The following COL4A6 variants were observed in gnomAD, a reference collection of about 807,000 sequenced individuals.
COL4A6 encodes the protein collagen type IV alpha 6 chain, also known as collagen alpha-6(IV) chain.
A neutral mutation model predicts 126.7 loss-of-function variants in COL4A6; 59 were observed. That is an observed-to-expected ratio of 0.47 (90% CI 0.38 to 0.58). COL4A6 has a LOEUF of 0.58. Among genes scored for constraint, COL4A6 ranks in the 20% least tolerant of loss-of-function variants. The pLI is 0.00. For synonymous variants in COL4A6, 547 were observed against 496.6 expected (o/e 1.10, Z -1.35); for missense variants, 1,285 against 1,337.3 (o/e 0.96, Z 0.61).
intron 3 of COL4A6, among the ~76,000 whole-genome samples, chrX:108,289,637 G>A (rs1022351706): frequency 9.0e-6 from 1 of 111,616 alleles, no homozygotes; most frequent in Non-Finnish European, 1.9e-5. Context: ...GCCAGACATA[G>A]ACTTGCAGGC....
At chrX:108,194,123 C>T (rs1045334133) in intron 16 of COL4A6, among the ~76,000 whole-genome samples, 2 of 112,309 alleles carry the variant, frequency 1.8e-5, no homozygotes, top group African/African-American at 6.5e-5. Flanking sequence ...TAATACTCCC[C>T]AAAGAGGGAT....
At chrX:108,321,428 G>A (rs1275370974) in intron 2 of COL4A6, among the ~76,000 whole-genome samples, 3 of 110,234 alleles carry the variant, frequency 2.7e-5, no homozygotes, top group Non-Finnish European at 5.7e-5. Context: ...AAAAAGTCAG[G>A]AAAAAAAAGA....
chrX:108,417,336 T>C (rs1462823160), intron 2 of COL4A6, among the ~76,000 whole-genome samples: 1 of 111,966 alleles, frequency 8.9e-6, no homozygotes, highest in Non-Finnish European at 1.9e-5. Flanking sequence ...GTAAATAAGG[T>C]TCTTAGTACA....
chrX:108,350,871 A>C (rs1021321665), intron 2 of COL4A6, among the ~76,000 whole-genome samples: 5 of 111,608 alleles, frequency 4.5e-5, no homozygotes, highest in Non-Finnish European at 9.4e-5. Flanking sequence ...CAATGCGGGA[A>C]GGTGATTATG....
At chrX:108,225,860 T>C (rs1230620110) in intron 3 of COL4A6, among the ~76,000 whole-genome samples, 3 of 112,674 alleles carry the variant, frequency 2.7e-5, no homozygotes, top group Non-Finnish European at 5.6e-5. Flanking sequence ...TAACATTTGT[T>C]CCTGAGGAAG....
chrX:108,294,475 C>A (rs1335799947), intron 3 of COL4A6, among the ~76,000 whole-genome samples: 8 of 104,881 alleles, frequency 7.6e-5, no homozygotes, highest in Non-Finnish European at 1.6e-4. Flanking sequence ...GCTAGGGACA[C>A]CAAAGCCATC....
rs75067339 is a variant in COL4A6, at chrX:108,280,067, G to C, written c.144+30681C>G. ...GAAAGATCCAAAATTGACACCCTGA[G>C]ATCACAATTAAAAGAACTAGAAAAG... On this transcript the variant is annotated intron_variant, in intron 3 of 44. Transcript: ENST00000334504. Among the ~76,000 whole-genome samples, 18 of 111,028 alleles carry C rather than the reference G, an allele frequency of 1.6e-4. No individual in the cohort carries two copies. In the Admixed American group the frequency reaches 1.7e-3, roughly 11 times the overall value.
At chrX:108,218,257 C>T (rs759783829) in intron 5 of COL4A6, among the ~76,000 whole-genome samples, 2 of 110,854 alleles carry the variant, frequency 1.8e-5, no homozygotes, top group South Asian at 3.7e-4. Flanking sequence ...AAGAGGCTGC[C>T]TCCAGTTTGC....
chrX:108,214,370 G>A (rs1245403652), intron 5 of COL4A6, 142 bp from the exon 6 acceptor site: 6 of 456,870 alleles, frequency 1.3e-5, no homozygotes, highest in African/African-American at 1.2e-4. Context: ...ATGTTTGCAT[G>A]TCTTTCCTTT....
chrX:108,245,284 C>A (rs1338093469), intron 3 of COL4A6, among the ~76,000 whole-genome samples: 1 of 112,176 alleles, frequency 8.9e-6, no homozygotes, highest in Non-Finnish European at 1.9e-5. Context: ...CAACAGAAGG[C>A]TCACTGCTGT....
At chrX:108,213,843 C>T (rs182027251) in intron 6 of COL4A6, 91 of 305,522 alleles carry the variant, frequency 3.0e-4, no homozygotes, top group Non-Finnish European at 4.6e-4. Flanking sequence ...ATGAAATTTA[C>T]TACAGCCTTT....
intron 2 of COL4A6, among the ~76,000 whole-genome samples, chrX:108,362,138 T>G (rs755368893): frequency 8.5e-4 from 94 of 110,691 alleles, no homozygotes; most frequent in Non-Finnish European, 5.3e-4. Context: ...AGAGAGCACG[T>G]GTGCTCAAGA....
At chrX:108,336,193 C>T (rs2039429661) in intron 2 of COL4A6, among the ~76,000 whole-genome samples, 1 of 111,699 alleles carries the variant, frequency 9.0e-6, no homozygotes. Flanking sequence ...ATGTTGATAG[C>T]AGCTCTATTC....
At chrX:108,269,229 C>T (rs1383870878) in intron 3 of COL4A6, 1 of 320,353 alleles carries the variant, frequency 3.1e-6, no homozygotes, top group Non-Finnish European at 6.0e-6. Context: ...GGAGCCTGCA[C>T]TCATGAGGAC....
intron 3 of COL4A6, among the ~76,000 whole-genome samples, chrX:108,239,208 T>A (rs1050597251): frequency 2.7e-5 from 3 of 112,202 alleles, no homozygotes; most frequent in African/African-American, 9.7e-5. Flanking sequence ...AAAATTGATG[T>A]AGTAAAATTT....
chrX:108,248,229 G>A (rs1297203401), intron 3 of COL4A6, among the ~76,000 whole-genome samples: 1 of 111,667 alleles, frequency 9.0e-6, no homozygotes, highest in Non-Finnish European at 1.9e-5. Flanking sequence ...TAAGTATACA[G>A]TATATGAATA....
chrX:108,171,525 G>A, intron 32 of COL4A6, 64 bp from the exon 33 acceptor site: 1 of 960,748 alleles, frequency 1.0e-6, no homozygotes, highest in East Asian at 3.1e-5. Flanking sequence ...GCACCACTGA[G>A]ATCTTTTGAA....
chrX:108,187,963 G>A lies in COL4A6; in HGVS notation c.1652C>T (p.Thr551Ile), dbSNP rs774005453. ...CCGATCTCCTGGCATTCCTTGGATT[G>A]TACTGAGAATTGGTTCCCCCTTCTT... The part of the protein sequence containing the change: ...KGKKGEPILS[T>I]IQGMPGDRGD... The change falls in exon 22 of 45, where the codon ACA becomes ATA. Residue 551 changes from threonine to isoleucine, a missense_variant. Transcript: ENST00000334504. 2.5e-6 allele frequency: 3 copies of A among 1,207,511 alleles called. No individual in the cohort carries two copies. Among genetic ancestry groups the A allele is most frequent in the Non-Finnish European group, 1.1e-6 (1 of 892,850 alleles).
intron 3 of COL4A6, among the ~76,000 whole-genome samples, chrX:108,275,676 T>A (rs1602981775): frequency 8.9e-6 from 1 of 112,988 alleles, no homozygotes; most frequent in Non-Finnish European, 1.9e-5. Flanking sequence ...TCAGGATCAC[T>A]GCTCAAAGGA....
Sources: gnomAD v4.1 joint callset for allele counts (sites outside exome capture counted in the v4.1 genomes callset) on GRCh38, gnomAD v4.1.1 for gene constraint, MANE v1.5 for transcripts, NCBI Gene and HGNC (gene_info 2026-07-23, HGNC 2026-07-21) for gene names.